The following ABCA8 variants were observed in gnomAD, a reference collection of about 807,000 sequenced individuals.
The protein encoded by ABCA8 is ABC-type organic anion transporter ABCA8.
ABCA8 carries 177 observed loss-of-function variants against 192.3 expected under a neutral mutation model. The ratio of observed to expected loss-of-function variants is 0.92; its 90% confidence interval spans 0.81 to 1.04. The LOEUF is 1.04. Among genes scored for constraint, ABCA8 ranks in the 50% least tolerant of loss-of-function variants. The probability of loss-of-function intolerance (pLI) is 0.00; values close to 1 mark genes in which losing one functional copy is unlikely to be tolerated. For synonymous variants in ABCA8, 642 were observed against 690.2 expected, an observed-to-expected ratio of 0.93 and a Z score of 1.09; for missense variants, 1,915 against 1,904.8, an observed-to-expected ratio of 1.01 and a Z score of -0.10.
rs1255048139 is a variant in ABCA8, at chr17:68,867,705, TA to T, written c.*379del. 1 of 154,696 alleles carries T rather than the reference TA, an allele frequency of 6.5e-6. No individual in the cohort carries two copies. The highest frequency in any genetic ancestry group is 1.4e-5 in the Non-Finnish European group (1 of 69,870). 9.6% of individuals were successfully genotyped at this position (154,696 alleles called of 1,614,324 possible). On this transcript the variant is annotated 3_prime_UTR_variant, in exon 40 of 40. Coordinates refer to ENST00000586539, the MANE Select transcript of ABCA8 (RefSeq NM_001288985.2). ...ACAAAGTATCATACACCTAGAAAAG[TA>T]AACATGAATTTCTCAGTCTAGGTTA...
At position 68,876,308 on chromosome 17, in the gene ABCA8, T is replaced by TC; in HGVS notation, c.4370+151_4370+152insG. On this transcript the variant is annotated intron_variant, in intron 35 of 39. Coordinates refer to ENST00000586539, the MANE Select transcript of ABCA8 (RefSeq NM_001288985.2). ...AAAATATCATCAGGGAAAGATCTTT[T>TC]TTTTTTGCAAAGTATTGGTTTTACA... 3 of 835,638 alleles carry TC rather than the reference T, an allele frequency of 3.6e-6. No individual in the cohort carries two copies. In the East Asian group the frequency reaches 8.0e-5, roughly 22 times the overall value. 51.8% of individuals were successfully genotyped at this position (835,638 alleles called of 1,614,324 possible).
intron 17 of ABCA8, among the ~76,000 whole-genome samples, chr17:68,914,897 AG>A (rs1361562459): frequency 3.4e-4 from 6 of 17,686 alleles, no homozygotes; most frequent in African/African-American, 1.5e-3. Flanking sequence ...AAATTATACT[AG>A]AGTTGTAATA....
rs2067077973 is a variant in ABCA8 at position 68,906,727 on chromosome 17, T to C, written c.2279-564A>G. On this transcript the variant is annotated intron_variant, in intron 18 of 39. Transcript: ENST00000586539. Reference sequence around the variant, plus strand: ...ACCTAACAGGCAGAGAATGTGGAACTGAATCAGGGAATTTTCCTGGAATTG... The same window carrying C: ...ACCTAACAGGCAGAGAATGTGGAACCGAATCAGGGAATTTTCCTGGAATTG... Among the ~76,000 whole-genome samples the C allele has an allele frequency of 4.6e-5, 7 of 152,172 alleles. No homozygotes were observed. The South Asian group carries it at 1.4e-3, about 31-fold the overall frequency.
At chr17:68,935,902 G>C (rs1013611322) in intron 5 of ABCA8, among the ~76,000 whole-genome samples, 1 of 152,022 alleles carries the variant, frequency 6.6e-6, no homozygotes, top group African/African-American at 2.4e-5. Context: ...AGGGTAAAAT[G>C]GTTATCTCCT....
Position 68,921,490 on chromosome 17 carries a change from G to C in ABCA8, c.1504C>G (p.Leu502Val). Reference protein sequence around the residue: ...KPDKIEALKDLVFDIYEGQIT... With the variant: ...KPDKIEALKDVVFDIYEGQIT... Reference sequence around the variant, plus strand: ...TGGCCTTCGTAAATGTCAAATACCAGATCTAGGAAGAAAAAAAGAAAGGAA... The same window carrying C: ...TGGCCTTCGTAAATGTCAAATACCACATCTAGGAAGAAAAAAAGAAAGGAA... Residue 502 changes from leucine to valine, a missense_variant and splice_region_variant, in exon 13 of 40, where the codon CTG (leucine) becomes GTG (valine). Leu to Val is a conservative substitution (Grantham distance 32). Coordinates refer to ENST00000586539, the MANE Select transcript of ABCA8 (RefSeq NM_001288985.2). 1 of 1,581,726 alleles carries C rather than the reference G, an allele frequency of 6.3e-7. No individual in the cohort carries two copies. Among genetic ancestry groups the C allele is most frequent in the Admixed American group, 1.7e-5 (1 of 58,244 alleles).
intron 1 of ABCA8, among the ~76,000 whole-genome samples, chr17:68,952,691 T>C (rs1375006453): frequency 6.6e-6 from 1 of 152,170 alleles, no homozygotes; most frequent in African/African-American, 2.4e-5. Flanking sequence ...GTCCTCTCTG[T>C]AGGCTAGCTC....
intron 2 of ABCA8, among the ~76,000 whole-genome samples, chr17:68,948,558 T>C (rs1188979239): frequency 6.6e-6 from 1 of 152,228 alleles, no homozygotes; most frequent in Non-Finnish European, 1.5e-5. Context: ...GAGAAGTGTC[T>C]GTTCATATTT....
At chr17:68,877,333 T>G in intron 33 of ABCA8, 186 bp downstream of exon 33, 1 of 512,882 alleles carries the variant, frequency 1.9e-6, no homozygotes. Context: ...TAAATTTTCT[T>G]ATTTAATATG....
At position 68,881,179 on chromosome 17, in the gene ABCA8, C is replaced by A. The variant is rs764249155; in HGVS notation, c.3979G>T (p.Ala1327Ser). Reference sequence around the variant, plus strand: ...ACCTTAATGGATGTGCTTTTACCAGCTCCATTGTGTCCTAATAATCCTAAA... The same window carrying A: ...ACCTTAATGGATGTGCTTTTACCAGATCCATTGTGTCCTAATAATCCTAAA... ...EVLGLLGHNG[A>S]GKSTSIKVIT... Residue 1327 changes from alanine (A) to serine (S), a missense_variant, in exon 32 of 40, where the codon GCT becomes TCT. Physicochemically the swap from Ala to Ser is moderately conservative, Grantham distance 99 (BLOSUM62 1). Coordinates refer to ENST00000586539, the MANE Select transcript of ABCA8 (RefSeq NM_001288985.2). 6.2e-7 allele frequency: 1 copy of A among 1,613,828 alleles called. No homozygotes were observed. The highest frequency in any genetic ancestry group is 1.7e-5 in the Admixed American group (1 of 60,020).
Position 68,868,238 on chromosome 17 carries a change from G to T in ABCA8, c.4768-55C>A, listed in dbSNP as rs1008624821. The T allele has an allele frequency of 1.1e-4, 174 of 1,605,552 alleles. 1 individual carries two copies. In the Admixed American group the frequency reaches 2.8e-3, roughly 26 times the overall value. On this transcript the variant is annotated intron_variant, in intron 39 of 39. Transcript: ENST00000586539. ...AGAACAATGCCGTGCTGCCTCTGCAGCTCCCAGGGAATGTTTTATACACAT... is the reference window on the plus strand; with the variant it reads ...AGAACAATGCCGTGCTGCCTCTGCATCTCCCAGGGAATGTTTTATACACAT...
intron 10 of ABCA8, among the ~76,000 whole-genome samples, chr17:68,925,760 C>T (rs187092486): frequency 3.3e-5 from 5 of 152,262 alleles, no homozygotes; most frequent in Admixed American, 6.5e-5. Context: ...TAAAAGCATG[C>T]CACCATAACT....
chr17:68,952,869 G>C (rs1193038264), intron 1 of ABCA8, among the ~76,000 whole-genome samples: 1 of 152,186 alleles, frequency 6.6e-6, no homozygotes, highest in African/African-American at 2.4e-5. Flanking sequence ...GTTCAATCTT[G>C]AGCAAAGAAC....
intron 37 of ABCA8, among the ~76,000 whole-genome samples, chr17:68,873,896 C>A (rs906664927): frequency 1.3e-5 from 2 of 152,080 alleles, no homozygotes; most frequent in African/African-American, 4.8e-5. Context: ...CTATTCTGTT[C>A]CTTTGATCAA....
chr17:68,933,404 A>T (rs2067966556), intron 5 of ABCA8, 133 bp from the exon 6 acceptor site: 1 of 584,850 alleles, frequency 1.7e-6, no homozygotes, highest in East Asian at 2.9e-5. Flanking sequence ...TTTTGACTCA[A>T]AGCTTATGAA....
At chr17:68,918,855 G>T (rs984772169) in intron 14 of ABCA8, among the ~76,000 whole-genome samples, 2 of 150,000 alleles carry the variant, frequency 1.3e-5, no homozygotes, top group African/African-American at 5.0e-5. Context: ...GCTTGAACCT[G>T]GGAGGCAAAT....
chr17:68,903,324 A>C lies in ABCA8; in HGVS notation c.2574T>G (p.His858Gln), dbSNP rs200485594. 1.2e-6 allele frequency: 2 copies of C among 1,614,154 alleles called. No individual in the cohort carries two copies. The highest frequency in any genetic ancestry group is 1.7e-6 in the Non-Finnish European group (2 of 1,180,026). ...IARVRLLKLK[H>Q]ERKALLALLL... ...ACAGTGCTAAAAGAGCTTTTCTTTC[A>C]TGCTTTAACTTTAACAAGCGAACCC... The change falls in exon 20 of 40, where the codon CAT becomes CAG. Residue 858 changes from histidine to glutamine, a missense_variant. Transcript: ENST00000586539.
At chr17:68,894,732 T>C in intron 22 of ABCA8, 148 bp downstream of exon 22, 1 of 841,080 alleles carries the variant, frequency 1.2e-6, no homozygotes, top group Non-Finnish European at 1.8e-6. Flanking sequence ...GATATATGAA[T>C]TGTTTATGCC....
At chr17:68,868,249 A>T in intron 39 of ABCA8, 52 bp downstream of exon 39, 1 of 1,607,122 alleles carries the variant, frequency 6.2e-7, no homozygotes, top group Non-Finnish European at 8.5e-7. Context: ...CTCCCAGGGA[A>T]TGTTTTATAC....
At position 68,932,511 on chromosome 17, in the gene ABCA8, T is replaced by A. The variant is rs750310407; in HGVS notation, c.574A>T (p.Thr192Ser). The change falls in exon 7 of 40, where the codon ACA becomes TCA. Residue 192 changes from threonine to serine, a missense_variant. By Grantham distance (58) the Thr-to-Ser change is moderately conservative. Coordinates refer to ENST00000586539, the MANE Select transcript of ABCA8 (RefSeq NM_001288985.2). ...AAINAAIIEI[T>S]TNHSVMEELM... ...TCCTCCATCACTGAGTGATTTGTTG[T>A]GATCTGAAGAAAGGCATTAATAAGC... The A allele has an allele frequency of 6.2e-7, 1 of 1,606,926 alleles. No homozygotes were observed. Among genetic ancestry groups the A allele is most frequent in the Non-Finnish European group, 8.5e-7 (1 of 1,173,860 alleles).
Sources: allele counts gnomAD v4.1 joint callset (sites outside exome capture counted in the v4.1 genomes callset), GRCh38; gene constraint gnomAD v4.1.1; transcripts MANE v1.5; gene names NCBI Gene and HGNC (gene_info 2026-07-23, HGNC 2026-07-21).